PAM: variants seen among roughly 807,000 people sequenced by gnomAD.
PAM encodes the protein peptidyl-glycine alpha-amidating monooxygenase.
PAM carries 72 observed loss-of-function variants against 122.1 expected under a neutral mutation model. The observed-to-expected ratio is 0.59, with a 90% CI of 0.49 to 0.72. PAM has a LOEUF of 0.72. PAM is among the 30% of genes least tolerant of loss of function. The pLI, the probability that PAM is intolerant of heterozygous loss-of-function variation, is 0.00. For synonymous variants in PAM, 389 were observed against 404.4 expected, an observed-to-expected ratio of 0.96 and a Z score of 0.46; for missense variants, 1,106 against 1,183.7, an observed-to-expected ratio of 0.93 and a Z score of 0.96.
At chr5:102,757,383 T>C (rs1750733470) in intron 1 of PAM, among the ~76,000 whole-genome samples, 1 of 152,166 alleles carries the variant, frequency 6.6e-6, no homozygotes. Context: ...GTTTGCATAA[T>C]TGGAAGAAAT....
At chr5:102,787,266 G>A (rs1259051357) in intron 1 of PAM, among the ~76,000 whole-genome samples, 1 of 151,914 alleles carries the variant, frequency 6.6e-6, no homozygotes, top group Non-Finnish European at 1.5e-5. Context: ...TCTAGGTCCC[G>A]CCAGACCCAC....
chr5:102,794,493 A>G (rs575327637), intron 1 of PAM, among the ~76,000 whole-genome samples: 1 of 152,344 alleles, frequency 6.6e-6, no homozygotes, highest in South Asian at 2.1e-4. Context: ...TTATTGAATT[A>G]GCAGATTCTT....
At chr5:102,810,953 AC>A (rs1407176782) in intron 1 of PAM, among the ~76,000 whole-genome samples, 1 of 152,188 alleles carries the variant, frequency 6.6e-6, no homozygotes, top group African/African-American at 2.4e-5. Context: ...GTTGTGAGGG[AC>A]TGGTTAAGTG....
chr5:102,919,737 C>T (rs991644510), intron 5 of PAM, among the ~76,000 whole-genome samples: 7 of 152,084 alleles, frequency 4.6e-5, no homozygotes, highest in Non-Finnish European at 8.8e-5. Context: ...TATCATATCG[C>T]ATATTGGGAT....
At chr5:102,819,761 C>T (rs1243568289) in intron 1 of PAM, among the ~76,000 whole-genome samples, 2 of 152,112 alleles carry the variant, frequency 1.3e-5, no homozygotes, top group African/African-American at 4.8e-5. Flanking sequence ...TGGTATGTCT[C>T]GTACTCTGAA....
At position 102,867,355 on chromosome 5, in the gene PAM, G is replaced by A. The variant is rs201199380; in HGVS notation, c.172G>A (p.Ala58Thr). Reference protein sequence around the residue: ...PVVPIDSSDFALDIRMPGVTP... With the variant: ...PVVPIDSSDFTLDIRMPGVTP... ...AGTTCCTATTGATTCATCAGATTTTGCATTGGATATTCGCATGCCTGGGGT... is the reference window on the plus strand; with the variant it reads ...AGTTCCTATTGATTCATCAGATTTTACATTGGATATTCGCATGCCTGGGGT... The change falls in exon 3 of 26, where the codon GCA becomes ACA. Residue 58 changes from alanine (A) to threonine (T), a missense_variant. Ala to Thr is a moderately conservative substitution (Grantham distance 58). Transcript: ENST00000438793. 1.1e-4 allele frequency: 169 copies of A among 1,608,890 alleles called. No individual in the cohort carries two copies. Among genetic ancestry groups the A allele is most frequent in the Non-Finnish European group, 1.2e-4 (143 of 1,175,608 alleles).
Position 102,806,927 on chromosome 5 carries a change from G to T in PAM, c.-374+51579G>T, listed in dbSNP as rs17154746. Among the ~76,000 whole-genome samples, 1,293 of 152,176 alleles carry T rather than the reference G, an allele frequency of 8.5e-3. 16 individuals are homozygous for T. The highest frequency in any genetic ancestry group is 0.03 in the African/African-American group (1,250 of 41,520). On this transcript the variant is annotated intron_variant, in intron 1 of 25. Coordinates refer to ENST00000438793, the MANE Select transcript of PAM (RefSeq NM_001177306.2). Reference sequence around the variant, plus strand: ...TTTGTAAGCAGTATTATTGTTATACGTTTGCGCACTATTTACTCACAAGGG... The same window carrying T: ...TTTGTAAGCAGTATTATTGTTATACTTTTGCGCACTATTTACTCACAAGGG...
At chr5:102,890,482 G>A (rs1280531454) in intron 3 of PAM, among the ~76,000 whole-genome samples, 2 of 151,734 alleles carry the variant, frequency 1.3e-5, no homozygotes, top group South Asian at 2.1e-4. Context: ...ACTTTCCCTC[G>A]TAAGCTATTT....
chr5:102,890,994 G>A (rs1794620843), intron 3 of PAM, among the ~76,000 whole-genome samples: 1 of 151,782 alleles, frequency 6.6e-6, no homozygotes, highest in Non-Finnish European at 1.5e-5. Flanking sequence ...ATCTTTGAAT[G>A]GAAGTTGCAA....
intron 1 of PAM, among the ~76,000 whole-genome samples, chr5:102,757,350 A>G (rs1480778855): frequency 5.9e-5 from 9 of 152,184 alleles, no homozygotes; most frequent in Admixed American, 3.3e-4. Context: ...AAATAAATAA[A>G]TAGATAAAAA....
At chr5:102,827,033 A>G (rs1476616238) in intron 1 of PAM, among the ~76,000 whole-genome samples, 1 of 152,208 alleles carries the variant, frequency 6.6e-6, no homozygotes, top group Non-Finnish European at 1.5e-5. Flanking sequence ...ATATTTGTTG[A>G]TATTTAAAAA....
At chr5:102,978,153 T>G (rs2150521950) in intron 15 of PAM, among the ~76,000 whole-genome samples, 1 of 152,326 alleles carries the variant, frequency 6.6e-6, no homozygotes, top group African/African-American at 2.4e-5. Flanking sequence ...AGAATTTTCT[T>G]GCAGTATGCA....
chr5:102,783,483 T>C (rs1022170661), intron 1 of PAM, among the ~76,000 whole-genome samples: 1 of 152,192 alleles, frequency 6.6e-6, no homozygotes, highest in Non-Finnish European at 1.5e-5. Flanking sequence ...GTATTTGGAA[T>C]CATCCCTTTA....
chr5:102,990,116 A>T, intron 15 of PAM, 156 bp from the exon 16 acceptor site: 1 of 432,436 alleles, frequency 2.3e-6, no homozygotes, highest in Non-Finnish European at 4.0e-6. Flanking sequence ...TGGAATGTGC[A>T]TGTGGTATAA....
intron 1 of PAM, among the ~76,000 whole-genome samples, chr5:102,795,650 G>A (rs1763214315): frequency 6.6e-6 from 1 of 152,200 alleles, no homozygotes; most frequent in Non-Finnish European, 1.5e-5. Context: ...CAGTGAAAGG[G>A]ATGAGGAACA....
chr5:102,764,829 C>T (rs562111780), intron 1 of PAM, among the ~76,000 whole-genome samples: 6 of 152,310 alleles, frequency 3.9e-5, no homozygotes, highest in South Asian at 4.1e-4. Context: ...CAATGACAAT[C>T]CCTTCATCAG....
At chr5:103,011,843 G>T (rs1460684916) in intron 21 of PAM, among the ~76,000 whole-genome samples, 2 of 152,092 alleles carry the variant, frequency 1.3e-5, no homozygotes, top group African/African-American at 2.4e-5. Flanking sequence ...CCTCCAAACT[G>T]TTCTATATAG....
intron 12 of PAM, among the ~76,000 whole-genome samples, chr5:102,957,169 A>G (rs1258754328): frequency 1.3e-5 from 2 of 152,160 alleles, no homozygotes; most frequent in African/African-American, 4.8e-5. Flanking sequence ...ATGCATATCT[A>G]TGTATATTCA....
chr5:102,933,708 C>T lies in PAM; in HGVS notation c.526+7040C>T, dbSNP rs79080191. On this transcript the variant is annotated intron_variant, in intron 7 of 25. Transcript: ENST00000438793. ...ACTGTGACTCCAGCTGTATCTCTGC[C>T]TCTTAGAAGACTACTGCCAGGAAGC... Among the ~76,000 whole-genome samples the T allele has an allele frequency of 7.6e-4, 115 of 152,300 alleles. 4 individuals are homozygous for T. In the East Asian group the frequency reaches 0.019, roughly 25 times the overall value.
Sources: allele counts gnomAD v4.1 joint callset (sites outside exome capture counted in the v4.1 genomes callset), GRCh38; gene constraint gnomAD v4.1.1; transcripts MANE v1.5; gene names NCBI Gene and HGNC (gene_info 2026-07-23, HGNC 2026-07-21).